The following MCMBP variants were observed in gnomAD, a reference collection of about 807,000 sequenced individuals.
MCMBP encodes the protein minichromosome maintenance complex binding protein.
In MCMBP, 31 loss-of-function variants were observed where a neutral mutation model predicts 81.3. The ratio of observed to expected loss-of-function variants is 0.38; its 90% CI spans 0.29 to 0.51. The LOEUF (loss-of-function observed/expected upper bound fraction) is 0.51. MCMBP is among the 20% of genes least tolerant of loss of function. MCMBP has a pLI of 0.87. For synonymous variants in MCMBP, 267 were observed against 275.9 expected, an observed-to-expected ratio of 0.97 and a Z score of 0.32; for missense variants, 645 against 772.1, an observed-to-expected ratio of 0.84 and a Z score of 1.95.
At position 119,833,775 on chromosome 10, in the gene MCMBP, C is replaced by T. The variant is rs189429982; in HGVS notation, c.1708-1675G>A. ...CAGTAGAAAACTGTCCCAGAGGAAA[C>T]TCAAACATTAGACAAAAAGACTCTA... On this transcript the variant is annotated intron_variant, in intron 14 of 15. Coordinates refer to ENST00000369077, the MANE Select transcript of MCMBP (RefSeq NM_001256378.2). Among the ~76,000 whole-genome samples, 25 of 152,172 alleles carry T rather than the reference C, an allele frequency of 1.6e-4. No homozygotes were observed. In the East Asian group the frequency reaches 3.7e-3, roughly 22 times the overall value.
chr10:119,849,312 G>T, intron 7 of MCMBP, 113 bp downstream of exon 7: 1 of 1,111,842 alleles, frequency 9.0e-7, no homozygotes. Flanking sequence ...TAAATTTGCA[G>T]TGATTTGCTA....
At chr10:119,834,776 G>A (rs557428413) in intron 14 of MCMBP, among the ~76,000 whole-genome samples, 74 of 145,944 alleles carry the variant, frequency 5.1e-4, no homozygotes, top group African/African-American at 1.8e-3. Context: ...TGGGAGGATC[G>A]CTTGAACCTG....
chr10:119,869,037 T>A (rs1156622683), intron 1 of MCMBP, among the ~76,000 whole-genome samples: 1 of 152,204 alleles, frequency 6.6e-6, no homozygotes, highest in Non-Finnish European at 1.5e-5. Context: ...AAGGACTTGG[T>A]TCCAGTATGG....
intron 1 of MCMBP, among the ~76,000 whole-genome samples, chr10:119,865,413 G>A (rs1853417203): frequency 6.6e-6 from 1 of 152,124 alleles, no homozygotes; most frequent in African/African-American, 2.4e-5. Flanking sequence ...CCAACATGGT[G>A]AAACCTCATC....
intron 13 of MCMBP, 135 bp from the exon 14 acceptor site, chr10:119,835,839 G>GTT: frequency 9.5e-6 from 9 of 945,088 alleles, no homozygotes; most frequent in Admixed American, 2.7e-5. Flanking sequence ...AGGGAATAAT[G>GTT]TTTTTTTTTC....
At chr10:119,870,230 C>T (rs1465800357) in intron 1 of MCMBP, among the ~76,000 whole-genome samples, 8 of 152,132 alleles carry the variant, frequency 5.3e-5, no homozygotes, top group Admixed American at 5.2e-4. Context: ...GGGCGGATCA[C>T]GAGGTCAAGA....
At position 119,853,344 on chromosome 10, in the gene MCMBP, T is replaced by C. The variant is rs1852899872; in HGVS notation, c.430-150A>G. On this transcript the variant is annotated intron_variant, in intron 5 of 15. Transcript: ENST00000369077. ...AAGGAGGCTAGACTTCCAGTTCTGG[T>C]CATGAGAATAACAGGTATCAACCTT... The C allele has an allele frequency of 6.6e-6, 5 of 753,090 alleles. No homozygotes were observed. In the South Asian group the frequency reaches 9.6e-5, roughly 15 times the overall value. 46.7% of individuals were successfully genotyped at this position (753,090 alleles called of 1,614,324 possible).
At chr10:119,834,983 GA>G (rs1323166404) in intron 14 of MCMBP, among the ~76,000 whole-genome samples, 1 of 152,066 alleles carries the variant, frequency 6.6e-6, no homozygotes, top group African/African-American at 2.4e-5. Context: ...CCCACATGAG[GA>G]AATAAAGGGT....
intron 15 of MCMBP, 59 bp downstream of exon 15, chr10:119,831,953 A>C (rs1290963302): frequency 1.4e-6 from 2 of 1,473,720 alleles, no homozygotes; most frequent in African/African-American, 2.8e-5. Flanking sequence ...CTGCTGAATA[A>C]CTCAGAAGAC....
In MCMBP at chr10:119,830,031, A is replaced by G. The variant is rs1851948898; in HGVS notation, c.*1443T>C. The G allele has an allele frequency of 1.3e-5, 2 of 152,666 alleles. No homozygotes were observed. Among genetic ancestry groups the G allele is most frequent in the African/African-American group, 4.8e-5 (2 of 41,458 alleles). The allele number at this position is 152,666 out of a possible 1,614,324, so 9.5% of individuals were successfully genotyped here. ...AAGGAAGGTCTAGTCTACCAGTTAT[A>G]AAAATGAAAACCAGTTCAACTCTAA... On this transcript the variant is annotated 3_prime_UTR_variant, in exon 16 of 16. Coordinates refer to ENST00000369077, the MANE Select transcript of MCMBP (RefSeq NM_001256378.2).
At chr10:119,868,403 G>GCAA (rs1393900357) in intron 1 of MCMBP, among the ~76,000 whole-genome samples, 1 of 152,182 alleles carries the variant, frequency 6.6e-6, no homozygotes, top group Non-Finnish European at 1.5e-5. Flanking sequence ...TCCACCCTGG[G>GCAA]CAACAGAGCA....
intron 5 of MCMBP, among the ~76,000 whole-genome samples, chr10:119,854,224 T>A (rs1852938819): frequency 6.6e-6 from 1 of 151,836 alleles, no homozygotes; most frequent in African/African-American, 2.4e-5. Flanking sequence ...GTATTTTTTG[T>A]AGAGACAGAG....
intron 1 of MCMBP, among the ~76,000 whole-genome samples, chr10:119,868,351 A>G (rs1015488351): frequency 6.6e-6 from 1 of 152,202 alleles, no homozygotes; most frequent in East Asian, 1.9e-4. Context: ...GCTTGAACCC[A>G]GAAGGCGGAG....
intron 5 of MCMBP, among the ~76,000 whole-genome samples, chr10:119,856,871 T>C (rs1485629525): frequency 6.6e-6 from 1 of 152,020 alleles, no homozygotes; most frequent in Non-Finnish European, 1.5e-5. Context: ...TAGGCTGAGG[T>C]GAGAGGATCA....
At chr10:119,871,443 T>G (rs1853668886) in intron 1 of MCMBP, among the ~76,000 whole-genome samples, 2 of 152,172 alleles carry the variant, frequency 1.3e-5, no homozygotes. Context: ...TTTTTTCTAA[T>G]ATAATGCCAT....
intron 1 of MCMBP, among the ~76,000 whole-genome samples, chr10:119,870,266 G>A (rs1306916199): frequency 6.6e-6 from 1 of 152,142 alleles, no homozygotes; most frequent in Admixed American, 6.5e-5. Context: ...GGCCAACACT[G>A]TGAAACCCCG....
At position 119,830,360 on chromosome 10, in the gene MCMBP, T is replaced by C. The variant is rs896968894; in HGVS notation, c.*1114A>G. The stretch of plus-strand genomic sequence containing the variant: ...TACAGTCTGTTGTTAGTTTGCTCTA[T>C]TAAAACTAATTGGTCTGGAGAAAAC... On this transcript the variant is annotated 3_prime_UTR_variant, in exon 16 of 16. Transcript: ENST00000369077. 3 of 152,292 alleles carry C rather than the reference T, an allele frequency of 2.0e-5. No individual in the cohort carries two copies. The highest frequency in any genetic ancestry group is 4.4e-5 in the Non-Finnish European group (3 of 68,042). 9.4% of individuals were successfully genotyped at this position (152,292 alleles called of 1,614,324 possible).
At chr10:119,864,323 T>C (rs575273525) in intron 1 of MCMBP, among the ~76,000 whole-genome samples, 2 of 152,248 alleles carry the variant, frequency 1.3e-5, no homozygotes, top group African/African-American at 4.8e-5. Flanking sequence ...GTCACTACAT[T>C]TGTAATTTAT....
upstream of MCMBP, among the ~76,000 whole-genome samples, chr10:119,873,241 T>C (rs1164701149): frequency 6.6e-6 from 1 of 152,074 alleles, no homozygotes; most frequent in Non-Finnish European, 1.5e-5. Context: ...TTCGTGCCTT[T>C]TTTTTCTTTT....
Sources: allele counts gnomAD v4.1 joint callset (sites outside exome capture counted in the v4.1 genomes callset), GRCh38; gene constraint gnomAD v4.1.1; transcripts MANE v1.5; gene names NCBI Gene and HGNC (gene_info 2026-07-23, HGNC 2026-07-21).